Variants in PRKD1 observed in about 807,000 individuals in gnomAD.
PRKD1 encodes protein kinase D1, also known as serine/threonine-protein kinase D1.
In PRKD1, 63 loss-of-function variants were observed where a neutral mutation model predicts 95.9. The observed-to-expected ratio is 0.66, with a 90% CI of 0.54 to 0.81. The LOEUF is 0.81. Ranked by LOEUF, PRKD1 falls within the 30% of genes least tolerant of loss-of-function variation. The pLI is 0.00. For missense variants in PRKD1, 1,048 were observed against 1,165.3 expected (o/e 0.90, Z 1.47); for synonymous variants, 425 against 423.1 (o/e 1.00, Z -0.05).
chr14:29,920,955 C>T (rs1895079285), intron 1 of PRKD1, among the ~76,000 whole-genome samples: 1 of 152,186 alleles, frequency 6.6e-6, no homozygotes, highest in Non-Finnish European at 1.5e-5. Context: ...ACGTCATTTC[C>T]AAGCACCTTC....
intron 4 of PRKD1, among the ~76,000 whole-genome samples, chr14:29,649,663 A>T (rs944930905): frequency 6.6e-6 from 1 of 152,048 alleles, no homozygotes; most frequent in Admixed American, 6.5e-5. Flanking sequence ...GTTTTTATTT[A>T]TAGCGCCTTT....
At chr14:29,819,691 A>AAAAAT (rs1042548626) in intron 1 of PRKD1, among the ~76,000 whole-genome samples, 5 of 152,114 alleles carry the variant, frequency 3.3e-5, no homozygotes, top group African/African-American at 4.8e-5. Context: ...CTCCGTCTCA[A>AAAAAT]AAAATAAAAT....
chr14:29,725,771 G>C (rs1333558649), intron 1 of PRKD1, 97 bp from the exon 2 acceptor site: 1 of 1,264,608 alleles, frequency 7.9e-7, no homozygotes, highest in Non-Finnish European at 1.1e-6. Flanking sequence ...AATTAGAAAA[G>C]TTCAAAGTAT....
chr14:29,794,683 C>A (rs1889730091), intron 1 of PRKD1, among the ~76,000 whole-genome samples: 2 of 151,924 alleles, frequency 1.3e-5, no homozygotes, highest in South Asian at 4.2e-4. Flanking sequence ...TTCTTCCCTT[C>A]CCTCCCCTCT....
chr14:29,834,983 G>A (rs1891555984), intron 1 of PRKD1, among the ~76,000 whole-genome samples: 1 of 151,768 alleles, frequency 6.6e-6, no homozygotes. Flanking sequence ...ATAGTGCTGA[G>A]ACCTGGGTTT....
At chr14:29,715,999 T>C (rs1885589689) in intron 2 of PRKD1, among the ~76,000 whole-genome samples, 2 of 152,186 alleles carry the variant, frequency 1.3e-5, no homozygotes, top group Admixed American at 1.3e-4. Context: ...ATCAAGGCCC[T>C]AACATGGCAC....
chr14:29,593,310 A>T (rs138971500), intron 16 of PRKD1, among the ~76,000 whole-genome samples: 2 of 152,288 alleles, frequency 1.3e-5, no homozygotes, highest in Non-Finnish European at 2.9e-5. Context: ...TTATTTTTCA[A>T]ATCATACCTT....
intron 1 of PRKD1, among the ~76,000 whole-genome samples, chr14:29,856,501 T>A (rs773281274): frequency 1.3e-5 from 2 of 152,170 alleles, no homozygotes; most frequent in Non-Finnish European, 2.9e-5. Context: ...AAGTGTCTCA[T>A]GGAGAAGGAA....
At position 29,629,082 on chromosome 14, in the gene PRKD1, C is replaced by T; in HGVS notation, c.1684G>A (p.Val562Met). The T allele has an allele frequency of 1.2e-6, 2 of 1,608,088 alleles. No homozygotes were observed. The highest frequency in any genetic ancestry group is 1.7e-6 in the Non-Finnish European group (2 of 1,177,314). ...TGTNLHRDIS[V>M]SISVSNCQIQ... ...TGGCAATTTGATACTGAAATACTCA[C>T]AGAGATATCTCCTGGAAATGCATGT... is the stretch of plus-strand genomic sequence containing the variant. The change falls in exon 11 of 18, where the codon GTG (valine) becomes ATG (methionine). Residue 562 changes from valine to methionine, a missense_variant. By Grantham distance (21) the Val-to-Met change is conservative (BLOSUM62 1). Transcript: ENST00000331968.
chr14:29,604,805 A>G (rs1016732941), intron 13 of PRKD1, among the ~76,000 whole-genome samples: 3 of 152,226 alleles, frequency 2.0e-5, no homozygotes, highest in African/African-American at 7.2e-5. Flanking sequence ...TTTGTTAAAG[A>G]TAATACCCAA....
Position 29,800,392 on chromosome 14 carries a change from T to C in PRKD1, c.265-74718A>G, listed in dbSNP as rs569741279. On this transcript the variant is annotated intron_variant, in intron 1 of 17. Coordinates refer to ENST00000331968, the MANE Select transcript of PRKD1 (RefSeq NM_002742.3). ...TGTTCCTCCCTGTGTCCACTTCTAC[T>C]TCATTAAAACCTGTGTTCTAGACCC... Among the ~76,000 whole-genome samples the C allele has an allele frequency of 1.2e-4, 19 of 152,322 alleles. No individual in the cohort carries two copies. The South Asian group carries it at 2.7e-3, about 22-fold the overall frequency.
chr14:29,692,639 C>T (rs982543549), intron 2 of PRKD1, among the ~76,000 whole-genome samples: 1 of 151,940 alleles, frequency 6.6e-6, no homozygotes, highest in Non-Finnish European at 1.5e-5. Flanking sequence ...ATGTGTATTA[C>T]AGGAAACATT....
intron 1 of PRKD1, among the ~76,000 whole-genome samples, chr14:29,738,353 C>CCCAA (rs558969703): frequency 6.6e-6 from 1 of 152,110 alleles, no homozygotes; most frequent in Non-Finnish European, 1.5e-5. Context: ...TATGCCAATT[C>CCCAA]CCAACCACCA....
At chr14:29,632,592 C>T (rs1400465279) in intron 9 of PRKD1, among the ~76,000 whole-genome samples, 1 of 152,110 alleles carries the variant, frequency 6.6e-6, no homozygotes, top group Non-Finnish European at 1.5e-5. Context: ...CACTTCTCTG[C>T]TAACATATTC....
chr14:29,800,768 T>C (rs1889995479), intron 1 of PRKD1, among the ~76,000 whole-genome samples: 2 of 152,208 alleles, frequency 1.3e-5, no homozygotes, highest in Admixed American at 6.5e-5. Context: ...AGCTATAATG[T>C]GACCAACTTT....
rs764900497 is a variant in PRKD1, at chr14:29,666,082, C to T, written c.530G>A (p.Cys177Tyr). ...ATGGGAAGAAAATAACTTACCTTCACATTTAAGACCTTGACGTACCAGCCC... is the reference window on the plus strand; with the variant it reads ...ATGGGAAGAAAATAACTTACCTTCATATTTAAGACCTTGACGTACCAGCCC... ...LWGLVRQGLK[C>Y]EGCGLNYHKR... The change falls in exon 3 of 18, where the codon TGT becomes TAT. Residue 177 changes from cysteine to tyrosine, a missense_variant. Transcript: ENST00000331968. 6.3e-7 allele frequency: 1 copy of T among 1,588,018 alleles called. No individual in the cohort carries two copies. Among genetic ancestry groups the T allele is most frequent in the Non-Finnish European group, 8.6e-7 (1 of 1,162,378 alleles).
intron 8 of PRKD1, among the ~76,000 whole-genome samples, chr14:29,633,606 T>C (rs1880172304): frequency 6.6e-6 from 1 of 152,214 alleles, no homozygotes; most frequent in South Asian, 2.1e-4. Flanking sequence ...AGGGTGTGTG[T>C]GTATTTTTAT....
chr14:29,875,121 T>C (rs1227490716), intron 1 of PRKD1, among the ~76,000 whole-genome samples: 1 of 152,140 alleles, frequency 6.6e-6, no homozygotes, highest in Non-Finnish European at 1.5e-5. Flanking sequence ...CTTGTAAAGA[T>C]TTTACCCTGA....
intron 14 of PRKD1, 51 bp from the exon 15 acceptor site, chr14:29,599,176 GTCT>G (rs766616855): frequency 6.7e-7 from 1 of 1,499,982 alleles, no homozygotes; most frequent in Non-Finnish European, 9.3e-7. Context: ...ATTTCAAAAT[GTCT>G]TCTACCAGTT....
Sources: allele counts gnomAD v4.1 joint callset (sites outside exome capture counted in the v4.1 genomes callset), GRCh38; gene constraint gnomAD v4.1.1; transcripts MANE v1.5; gene names NCBI Gene and HGNC (gene_info 2026-07-23, HGNC 2026-07-21).